Variants in NEK10 observed in about 807,000 individuals in gnomAD.
NEK10 encodes the protein serine/threonine-protein kinase Nek10.
In NEK10, 122 loss-of-function variants were observed where a neutral mutation model predicts 159.8. The ratio of observed to expected loss-of-function variants is 0.76; its 90% CI spans 0.66 to 0.89. The LOEUF (loss-of-function observed/expected upper bound fraction) is 0.89, where lower values mean the gene tolerates loss of function less well. Ranked by LOEUF, NEK10 falls within the 40% of genes least tolerant of loss-of-function variation. The pLI is 0.00. For synonymous variants in NEK10, 466 were observed against 457.1 expected (o/e 1.02, Z -0.25); for missense variants, 1,342 against 1,323.1 (o/e 1.01, Z -0.22).
intron 32 of NEK10, among the ~76,000 whole-genome samples, chr3:27,129,739 C>T (rs920925401): frequency 6.6e-6 from 1 of 151,840 alleles, no homozygotes; most frequent in African/African-American, 2.4e-5. Flanking sequence ...CCTGGGGAAT[C>T]AAAGATAAAT....
chr3:27,364,392 GTGTGTGTGTGTGTA>G (rs1369200858), intron 1 of NEK10, among the ~76,000 whole-genome samples: 11 of 130,468 alleles, frequency 8.4e-5, no homozygotes, highest in Non-Finnish European at 1.2e-4. Flanking sequence ...GTGTGTGTGT[GTGTGTGTGTGTGTA>G]TAGTAGAGAC....
At position 27,174,809 on chromosome 3, in the gene NEK10, T is replaced by G. The variant is rs1947347996; in HGVS notation, c.2530A>C (p.Ser844Arg). ...SHETFEKASL[S>R]SSSSGAASLK... ...CTGGCTGCTCCACTGCTGCTGCTAC[T>G]CAAACTTGCCTTCTCAAAGGTCTCC... The change falls in exon 27 of 36, where the codon AGT becomes CGT. Residue 844 changes from serine to arginine, a missense_variant. Coordinates refer to ENST00000691995, the MANE Select transcript of NEK10 (RefSeq NM_001394966.1). 1 of 1,599,006 alleles carries G rather than the reference T, an allele frequency of 6.3e-7. No individual in the cohort carries two copies. The highest frequency in any genetic ancestry group is 1.4e-5 in the African/African-American group (1 of 73,820).
At position 27,249,361 on chromosome 3, in the gene NEK10, C is replaced by T. The variant is rs185150179; in HGVS notation, c.2090+6935G>A. Among the ~76,000 whole-genome samples, 408 of 152,222 alleles carry T rather than the reference C, an allele frequency of 2.7e-3. 4 individuals are homozygous for T. The highest frequency in any genetic ancestry group is 9.5e-3 in the African/African-American group (396 of 41,540). ...ATTATATTTTTGTCCATCTCTCTTT[C>T]TTTCACTCTAATAATATTTCTTTTA... On this transcript the variant is annotated intron_variant, in intron 23 of 35. Coordinates refer to ENST00000691995, the MANE Select transcript of NEK10 (RefSeq NM_001394966.1).
At chr3:27,204,308 T>G (rs1325426325) in intron 23 of NEK10, among the ~76,000 whole-genome samples, 10 of 135,036 alleles carry the variant, frequency 7.4e-5, no homozygotes, top group Non-Finnish European at 8.0e-5. Context: ...GTTGTTTTTT[T>G]TTTTTTTTTT....
At chr3:27,199,312 A>G (rs962633003) in intron 25 of NEK10, among the ~76,000 whole-genome samples, 1 of 152,204 alleles carries the variant, frequency 6.6e-6, no homozygotes, top group Non-Finnish European at 1.5e-5. Flanking sequence ...ATGAACAGAC[A>G]CTTCACAAAA....
chr3:27,258,076 G>A (rs1339196965), intron 22 of NEK10, among the ~76,000 whole-genome samples: 3 of 151,930 alleles, frequency 2.0e-5, no homozygotes, highest in Admixed American at 2.0e-4. Context: ...GATTACAGGC[G>A]TGAGCCTCCA....
intron 23 of NEK10, chr3:27,255,003 A>G (rs1248730748): frequency 1.2e-5 from 2 of 160,470 alleles, no homozygotes; most frequent in Non-Finnish European, 2.7e-5. Flanking sequence ...AGTCTCAGGA[A>G]TAAAAATATG....
At chr3:27,199,519 T>C (rs1949863847) in intron 25 of NEK10, among the ~76,000 whole-genome samples, 1 of 152,222 alleles carries the variant, frequency 6.6e-6, no homozygotes. Context: ...GAGTGTAAAT[T>C]AGTTCTACCA....
At chr3:27,271,333 T>C (rs1446684664) in intron 22 of NEK10, among the ~76,000 whole-genome samples, 1 of 151,914 alleles carries the variant, frequency 6.6e-6, no homozygotes, top group African/African-American at 2.4e-5. Flanking sequence ...TTTTATGTAC[T>C]GGAGAAAATT....
intron 23 of NEK10, among the ~76,000 whole-genome samples, chr3:27,222,942 T>C (rs945389606): frequency 2.0e-5 from 3 of 152,044 alleles, no homozygotes; most frequent in Non-Finnish European, 4.4e-5. Context: ...AGTTTTTTTT[T>C]GGCAACATGA....
chr3:27,128,701 A>G (rs1342040813), intron 32 of NEK10, among the ~76,000 whole-genome samples: 1 of 150,904 alleles, frequency 6.6e-6, no homozygotes, highest in Admixed American at 6.6e-5. Context: ...CTTTCAATTT[A>G]TTATTCTTAT....
intron 29 of NEK10, among the ~76,000 whole-genome samples, chr3:27,163,139 TATAAA>T (rs574116383): frequency 1.0e-3 from 156 of 152,282 alleles, no homozygotes; most frequent in African/African-American, 3.5e-3. Context: ...TACCTCCTCC[TATAAA>T]ATGTTTTTTG....
rs777271743 is a variant in NEK10, at chr3:27,290,771, CACA to C, written c.1606-20_1606-18del. 2.5e-5 allele frequency: 40 copies of C among 1,574,592 alleles called. No homozygotes were observed. Among genetic ancestry groups the C allele is most frequent in the East Asian group, 1.1e-4 (5 of 44,544 alleles). On this transcript the variant is annotated intron_variant, in intron 18 of 35. Coordinates refer to ENST00000691995, the MANE Select transcript of NEK10 (RefSeq NM_001394966.1). The stretch of plus-strand genomic sequence containing the variant: ...CTTTCTAACCTAAAATAAAGAAAAA[CACA>C]ACAACAACAAAAGGAACAGGGTAAA...
intron 30 of NEK10, among the ~76,000 whole-genome samples, chr3:27,148,921 A>G (rs1308524681): frequency 6.6e-6 from 1 of 151,988 alleles, no homozygotes; most frequent in African/African-American, 2.4e-5. Flanking sequence ...TTGAAAACAC[A>G]TTACCCTAAA....
chr3:27,149,367 T>TA (rs1452576067), intron 30 of NEK10, among the ~76,000 whole-genome samples: 27 of 152,056 alleles, frequency 1.8e-4, no homozygotes, highest in African/African-American at 5.8e-4. Context: ...TTGCTTTTTT[T>TA]AAATTTTTTT....
chr3:27,131,650 G>A (rs1942633792), intron 32 of NEK10, among the ~76,000 whole-genome samples: 1 of 151,832 alleles, frequency 6.6e-6, no homozygotes, highest in African/African-American at 2.4e-5. Context: ...TTTTTCTTAG[G>A]AAAACATACA....
chr3:27,278,791 T>A (rs540724367), intron 22 of NEK10: 7 of 985,266 alleles, frequency 7.1e-6, no homozygotes, highest in Non-Finnish European at 8.4e-6. Context: ...GGTTCAAGGG[T>A]AAGTTCAGTT....
chr3:27,308,691 G>C (rs1010704930), intron 10 of NEK10, among the ~76,000 whole-genome samples: 1 of 152,140 alleles, frequency 6.6e-6, no homozygotes, highest in Admixed American at 6.5e-5. Context: ...TAGATGAAAA[G>C]ACTAAATATT....
intron 32 of NEK10, among the ~76,000 whole-genome samples, chr3:27,123,714 A>G (rs1941597011): frequency 6.6e-6 from 1 of 152,170 alleles, no homozygotes; most frequent in South Asian, 2.1e-4. Flanking sequence ...TTTAGGAGGT[A>G]GCAGATAGAT....
Sources: gnomAD v4.1 joint callset for allele counts (sites outside exome capture counted in the v4.1 genomes callset) on GRCh38, gnomAD v4.1.1 for gene constraint, MANE v1.5 for transcripts, NCBI Gene and HGNC (gene_info 2026-07-23, HGNC 2026-07-21) for gene names.